CARD10: variants seen among roughly 807,000 people sequenced by gnomAD.
CARD10 encodes caspase recruitment domain family member 10, also known as caspase recruitment domain-containing protein 10.
A neutral mutation model predicts 114.6 loss-of-function variants in CARD10; 49 were observed. The ratio of observed to expected loss-of-function variants is 0.43; its 90% CI spans 0.34 to 0.54. The LOEUF (loss-of-function observed/expected upper bound fraction) is 0.54. Ranked by LOEUF, CARD10 falls within the 20% of genes least tolerant of loss-of-function variation. The pLI, the probability that CARD10 is intolerant of heterozygous loss-of-function variation, is 0.03. For synonymous variants in CARD10, 602 were observed against 593.2 expected (o/e 1.01, Z -0.21); for missense variants, 1,206 against 1,397.2 (o/e 0.86, Z 2.18).
chr22:37,502,772 G>C, intron 10 of CARD10, 47 bp from the exon 11 acceptor site: 4 of 1,593,200 alleles, frequency 2.5e-6, no homozygotes, highest in Non-Finnish European at 3.4e-6. Flanking sequence ...GGGAAACAGG[G>C]ATGGCCAGGG....
intron 4 of CARD10, among the ~76,000 whole-genome samples, chr22:37,509,714 C>T (rs115429627): frequency 0.012 from 1,202 of 101,696 alleles, 46 homozygotes; most frequent in African/African-American, 0.035. Context: ...ACCCCCATGG[C>T]CACGAGGCCC....
Position 37,506,317 on chromosome 22 carries a change from G to A in CARD10, c.1258C>T (p.Arg420Cys), listed in dbSNP as rs748488870. ...SQSLIEKDQYRKQVRGLEAER... is the reference protein window; with the variant it reads ...SQSLIEKDQYCKQVRGLEAER... Reference sequence around the variant, plus strand: ...GCCTCCAGGCCCCGCACCTGCTTGCGGTACTGGTCCTTCTCGATGAGGCTC... The same window carrying A: ...GCCTCCAGGCCCCGCACCTGCTTGCAGTACTGGTCCTTCTCGATGAGGCTC... Residue 420 changes from arginine to cysteine, a missense_variant, in exon 7 of 20, where the codon CGC becomes TGC. Arg to Cys is a radical substitution (Grantham distance 180). Around this residue, in one of 2 missense-constraint regions of CARD10, gnomAD observed 1,068 missense variants for 1,179.1 expected, o/e 0.91. Coordinates refer to ENST00000251973, the MANE Select transcript of CARD10 (RefSeq NM_014550.4). The A allele has an allele frequency of 1.2e-6, 2 of 1,610,014 alleles. No individual in the cohort carries two copies. The highest frequency in any genetic ancestry group is 8.5e-7 in the Non-Finnish European group (1 of 1,178,136).
In CARD10 at chr22:37,518,979, G is replaced by A. The variant is rs746874359; in HGVS notation, c.222C>T (p.Arg74=). 5 of 1,546,016 alleles carry A rather than the reference G, an allele frequency of 3.2e-6. No individual in the cohort carries two copies. Among genetic ancestry groups the A allele is most frequent in the Non-Finnish European group, 3.5e-6 (4 of 1,149,112 alleles). The change falls in exon 1 of 20, where the codon CGC becomes CGT. Residue 74 remains arginine (R), a synonymous_variant. Coordinates refer to ENST00000251973, the MANE Select transcript of CARD10 (RefSeq NM_014550.4). ...EVLSTYRFPC[R]VNRTGRLMDI... The stretch of plus-strand genomic sequence containing the variant: ...CCCGCGGCTCACCGGTGCGGTTGAC[G>A]CGGCACGGGAAGCGGTAGGTGCTCA...
At chr22:37,510,487 G>T in intron 3 of CARD10, 66 bp from the exon 4 acceptor site, 1 of 1,441,628 alleles carries the variant, frequency 6.9e-7, no homozygotes, top group Non-Finnish European at 9.6e-7. Context: ...ACAGGGGTGG[G>T]AAGACCTGCT....
chr22:37,494,714 A>C (rs1342493333), intron 15 of CARD10: 1 of 166,008 alleles, frequency 6.0e-6, no homozygotes, highest in African/African-American at 2.4e-5. Context: ...GCACAGCCTG[A>C]CAGGCAGTAC....
chr22:37,513,681 G>C (rs1177192549), intron 3 of CARD10, among the ~76,000 whole-genome samples: 1 of 152,114 alleles, frequency 6.6e-6, no homozygotes, highest in Non-Finnish European at 1.5e-5. Flanking sequence ...TATTTCTTCT[G>C]AGAAAACCCT....
chr22:37,497,310 C>T, intron 11 of CARD10, 132 bp from the exon 12 acceptor site: 3 of 861,682 alleles, frequency 3.5e-6, no homozygotes, highest in Non-Finnish European at 5.3e-6. Context: ...TCTCCATCTT[C>T]TGTGCCCTCT....
intron 16 of CARD10, among the ~76,000 whole-genome samples, chr22:37,493,087 A>G (rs928203109): frequency 3.3e-5 from 5 of 152,122 alleles, no homozygotes; most frequent in Admixed American, 2.6e-4. Context: ...TCAACACACC[A>G]GTGACTTCCC....
Position 37,519,308 on chromosome 22 carries a change from C to T in CARD10, c.-108G>A. On this transcript the variant is annotated 5_prime_UTR_variant, in exon 1 of 20. Coordinates refer to ENST00000251973, the MANE Select transcript of CARD10 (RefSeq NM_014550.4). The surrounding 1 kb of genome is among the most constrained non-coding windows in gnomAD (Gnocchi z 4.1). ...CCCGGGGCGTCGTCCGCAGACCCGC[C>T]GTCGGGGGCGCGCCCCGAGCTCCCC... 5 of 1,341,452 alleles carry T rather than the reference C, an allele frequency of 3.7e-6. No homozygotes were observed. The highest frequency in any genetic ancestry group is 3.8e-5 in the Admixed American group (1 of 26,522). The allele number at this position is 1,341,452 out of a possible 1,614,324, so 83.1% of individuals were successfully genotyped here. A position where few individuals can be genotyped will look rare whatever the true frequency, so the allele number is the denominator to read the frequency against.
At chr22:37,515,786 G>C (rs1334669531) in intron 3 of CARD10, among the ~76,000 whole-genome samples, 187 bp downstream of exon 3, 1 of 152,052 alleles carries the variant, frequency 6.6e-6, no homozygotes. Context: ...ATGTTTCTAG[G>C]GGGTCAGAAT....
rs1923935634 is a variant in CARD10 at position 37,518,952 on chromosome 22, G to T, written c.235+14C>A. On this transcript the variant is annotated intron_variant, in intron 1 of 19. Transcript: ENST00000251973. ...CCGGCCCAGGTCGTGGCCCACTCGG[G>T]ACCCGCGGCTCACCGGTGCGGTTGA... 2.6e-6 allele frequency: 4 copies of T among 1,517,058 alleles called. No individual in the cohort carries two copies. The highest frequency in any genetic ancestry group is 1.2e-5 in the South Asian group (1 of 82,610). 94.0% of individuals were successfully genotyped at this position (1,517,058 alleles called of 1,614,324 possible).
chr22:37,491,322 A>G lies in CARD10; in HGVS notation c.2936T>C (p.Leu979Pro). Residue 979 changes from leucine to proline, a missense_variant, in exon 20 of 20, where the codon CTC (leucine) becomes CCC (proline). By Grantham distance (98) the Leu-to-Pro change is moderately conservative (BLOSUM62 -3). Around this residue, in one of 2 missense-constraint regions of CARD10, gnomAD observed 1,068 missense variants for 1,179.1 expected, o/e 0.91. Coordinates refer to ENST00000251973, the MANE Select transcript of CARD10 (RefSeq NM_014550.4). ...LRQCRGSEQV[L>P]WGLPCSWVQV... ...CACCCAGGAGCAGGGCAGCCCCCAG[A>G]GCACCTGCTCTGAGCCACGGCACTG... 6.4e-7 allele frequency: 1 copy of G among 1,561,230 alleles called. No homozygotes were observed.
chr22:37,496,983 G>A lies in CARD10; in HGVS notation c.1947+36C>T, dbSNP rs1241379506. 6.4e-7 allele frequency: 1 copy of A among 1,558,752 alleles called. No homozygotes were observed. On this transcript the variant is annotated intron_variant, in intron 12 of 19. Transcript: ENST00000251973. The surrounding 1 kb of genome is among the most constrained non-coding windows in gnomAD (Gnocchi z 4.1). ...GATGTCCAGCCTGGGCAAAAGCACT[G>A]ACCCTACCCCCCCAGCTCAGGAGGC... is the stretch of plus-strand genomic sequence containing the variant.
intron 1 of CARD10, 92 bp from the exon 2 acceptor site, chr22:37,518,200 G>A (rs769143778): frequency 1.5e-6 from 2 of 1,324,390 alleles, no homozygotes; most frequent in East Asian, 2.4e-5. Context: ...CCAGGCCCAC[G>A]TTCCCCAGAT....
intron 6 of CARD10, among the ~76,000 whole-genome samples, chr22:37,507,439 T>C (rs1218060388): frequency 6.6e-6 from 1 of 152,160 alleles, no homozygotes; most frequent in African/African-American, 2.4e-5. Context: ...CCCACAACCT[T>C]GGCAGGAGAC....
rs771860683 is a variant in CARD10 at position 37,495,542 on chromosome 22, C to T, written c.2348G>A (p.Ser783Asn). 5.6e-6 allele frequency: 9 copies of T among 1,612,882 alleles called. No homozygotes were observed. Among genetic ancestry groups the T allele is most frequent in the Non-Finnish European group, 6.8e-6 (8 of 1,179,758 alleles). Residue 783 changes from serine to asparagine, a missense_variant, in exon 15 of 20, where the codon AGC becomes AAC. Physicochemically the swap from Ser to Asn is conservative, Grantham distance 46. Around this residue, in one of 2 missense-constraint regions of CARD10, gnomAD observed 1,068 missense variants for 1,179.1 expected, o/e 0.91. Coordinates refer to ENST00000251973, the MANE Select transcript of CARD10 (RefSeq NM_014550.4). ...LEVQEKCLPS[S>N]RHRGPRSNLK... ...ATTACTGCGGGGGCCTCGGTGCCGGCTGGAGGGCAGGCATTTCTCCTGAAC... is the reference window on the plus strand; with the variant it reads ...ATTACTGCGGGGGCCTCGGTGCCGGTTGGAGGGCAGGCATTTCTCCTGAAC...
intron 3 of CARD10, chr22:37,510,623 G>C: frequency 1.7e-6 from 1 of 575,192 alleles, no homozygotes; most frequent in East Asian, 2.8e-5. Flanking sequence ...AGGAGCAGTG[G>C]GTAGCAAGGC....
chr22:37,493,380 C>T (rs5756700), intron 16 of CARD10, among the ~76,000 whole-genome samples: 10,791 of 152,276 alleles, frequency 0.071, 595 homozygotes, highest in East Asian at 0.26. Flanking sequence ...CAGTTCTCCA[C>T]TGCACACCTC....
Position 37,519,001 on chromosome 22 carries a change from C to G in CARD10, c.200G>C (p.Ser67Thr). Residue 67 changes from serine (S) to threonine (T), a missense_variant, in exon 1 of 20, where the codon AGC becomes ACC. By Grantham distance (58) the Ser-to-Thr change is moderately conservative. Transcript: ENST00000251973. The surrounding 1 kb of genome is among the most constrained non-coding windows in gnomAD (Gnocchi z 4.1). ...GACGCGGCACGGGAAGCGGTAGGTG[C>G]TCAGCACCTCCTCCTCGTCCTGCTC... Reference protein sequence around the residue: ...IDEQDEEEVLSTYRFPCRVNR... With the variant: ...IDEQDEEEVLTTYRFPCRVNR... The G allele has an allele frequency of 6.3e-7, 1 of 1,583,684 alleles. No individual in the cohort carries two copies. The highest frequency in any genetic ancestry group is 8.5e-7 in the Non-Finnish European group (1 of 1,171,330).
Sources: allele counts gnomAD v4.1 joint callset (sites outside exome capture counted in the v4.1 genomes callset), GRCh38; gene constraint gnomAD v4.1.1; regional missense constraint gnomAD v4.1.1; non-coding constraint Gnocchi (gnomAD v3.1); transcripts MANE v1.5; gene names NCBI Gene and HGNC (gene_info 2026-07-23, HGNC 2026-07-21).